The following GON4L variants were observed in gnomAD, a reference collection of about 807,000 sequenced individuals.
The protein encoded by GON4L is GON-4-like protein.
GON4L carries 87 observed loss-of-function variants against 211.8 expected under a neutral mutation model. The observed-to-expected ratio is 0.41, with a 90% CI of 0.35 to 0.49. The LOEUF (loss-of-function observed/expected upper bound fraction) is 0.49, where lower values mean the gene tolerates loss of function less well. Among genes scored for constraint, GON4L ranks in the 20% least tolerant of loss-of-function variants. GON4L has a pLI of 0.15. For synonymous variants in GON4L, 875 were observed against 962.6 expected (o/e 0.91, Z 1.68); for missense variants, 2,155 against 2,659.5 (o/e 0.81, Z 4.17).
Position 155,750,389 on chromosome 1 carries a change from A to G in GON4L, c.*195T>C. 3.2e-6 allele frequency: 2 copies of G among 629,408 alleles called. No individual in the cohort carries two copies. 39.0% of individuals were successfully genotyped at this position (629,408 alleles called of 1,614,324 possible). ...GAGGACATCTGTAAAGTCTTCATAA[A>G]AGACCTTGAATGATGCCTAGGATGG... On this transcript the variant is annotated 3_prime_UTR_variant, in exon 32 of 32. Coordinates refer to ENST00000368331, the MANE Select transcript of GON4L (RefSeq NM_001282860.2).
intron 11 of GON4L, among the ~76,000 whole-genome samples, chr1:155,797,623 C>T (rs891234358): frequency 1.3e-5 from 2 of 151,090 alleles, no homozygotes; most frequent in Non-Finnish European, 2.9e-5. Context: ...GTGGGAAGAT[C>T]ACTTGAGGTC....
intron 13 of GON4L, chr1:155,784,472 G>A (rs1445743265): frequency 2.0e-5 from 4 of 198,334 alleles, no homozygotes; most frequent in East Asian, 1.5e-4. Context: ...TGCAACCTCC[G>A]CCTCCCAGGT....
At chr1:155,858,366 C>A (rs1672437557), upstream of GON4L, among the ~76,000 whole-genome samples, 1 of 152,202 alleles carries the variant, frequency 6.6e-6, no homozygotes. Context: ...CTAATCCTAT[C>A]TGTAAACAGA....
At chr1:155,857,993 T>C (rs12095373), upstream of GON4L, among the ~76,000 whole-genome samples, 4,153 of 152,284 alleles carry the variant, frequency 0.027, 198 homozygotes, top group African/African-American at 0.092. Flanking sequence ...TTATATCATA[T>C]TCCAGTTTGC....
chr1:155,782,721 G>A (rs1364346803), intron 14 of GON4L, among the ~76,000 whole-genome samples: 1 of 151,948 alleles, frequency 6.6e-6, no homozygotes, highest in East Asian at 1.9e-4. Flanking sequence ...CAAGCAGGCT[G>A]TCATCTCAGC....
chr1:155,850,276 CT>C (rs1212130236), intron 2 of GON4L, among the ~76,000 whole-genome samples: 5 of 152,118 alleles, frequency 3.3e-5, no homozygotes, highest in South Asian at 4.1e-4. Context: ...GCTATTTACC[CT>C]TTTTTATTCT....
At chr1:155,756,627 C>A in intron 27 of GON4L, 1 of 248,984 alleles carries the variant, frequency 4.0e-6, no homozygotes, top group Non-Finnish European at 7.9e-6. Flanking sequence ...ACTTGGCATA[C>A]CTTATCATGA....
chr1:155,848,074 A>T lies in GON4L; in HGVS notation c.505+5202T>A, dbSNP rs557979191. The stretch of plus-strand genomic sequence containing the variant: ...TGAATAACCTGCCCTTATTTAGTAT[A>T]TAATCAAGGAATAGCTATCTATTCA... On this transcript the variant is annotated intron_variant, in intron 2 of 31. Coordinates refer to ENST00000368331, the MANE Select transcript of GON4L (RefSeq NM_001282860.2). Among the ~76,000 whole-genome samples the T allele has an allele frequency of 2.9e-4, 44 of 150,974 alleles. No homozygotes were observed. In the East Asian group the frequency reaches 3.7e-3, roughly 13 times the overall value.
downstream of GON4L, chr1:155,746,812 A>G (rs1207644889): frequency 6.3e-7 from 1 of 1,581,566 alleles, no homozygotes; most frequent in Middle Eastern, 1.7e-4. Flanking sequence ...GAAGCTCACC[A>G]CACACAAAGA....
intron 1 of GON4L, 29 bp from the exon 2 acceptor site, chr1:155,853,835 T>G: frequency 7.5e-7 from 1 of 1,330,266 alleles, no homozygotes; most frequent in Non-Finnish European, 1.1e-6. Context: ...CTTACTGCCT[T>G]CATATTAATT....
In GON4L at chr1:155,822,357, G is replaced by C. The variant is rs763400614; in HGVS notation, c.817C>G (p.Leu273Val). ...LAYDLKLDDM[L>V]DRTLEDGAKQ... ...GCACCATCCTCCAAGGTACGGTCAA[G>C]CATGTCATCCAGTTTCAGGTCATAT... Residue 273 changes from leucine (L) to valine (V), a missense_variant, in exon 4 of 32, where the codon CTT (leucine) becomes GTT (valine). Leu to Val is a conservative substitution (Grantham distance 32). Coordinates refer to ENST00000368331, the MANE Select transcript of GON4L (RefSeq NM_001282860.2). 1 of 1,614,056 alleles carries C rather than the reference G, an allele frequency of 6.2e-7. No individual in the cohort carries two copies. Among genetic ancestry groups the C allele is most frequent in the Non-Finnish European group, 8.5e-7 (1 of 1,179,910 alleles).
chr1:155,763,536 G>A lies in GON4L; in HGVS notation c.4502C>T (p.Ala1501Val). The change falls in exon 22 of 32, where the codon GCA becomes GTA. Residue 1501 changes from alanine to valine, a missense_variant. This residue lies in a region of GON4L where 35 missense variants were observed against 73.9 expected (regional missense o/e 0.47). Transcript: ENST00000368331. The part of the protein sequence containing the change: ...QETMEKLTWL[A>V]SERRMSQEGE... Reference sequence around the variant, plus strand: ...CTCCTGACTCATGCGCCTTTCAGATGCCAGCCAAGTCAGTTTCTCCATTGT... The same window carrying A: ...CTCCTGACTCATGCGCCTTTCAGATACCAGCCAAGTCAGTTTCTCCATTGT... The A allele has an allele frequency of 6.5e-7, 1 of 1,547,946 alleles. No homozygotes were observed. Among genetic ancestry groups the A allele is most frequent in the Non-Finnish European group, 8.7e-7 (1 of 1,146,530 alleles).
At position 155,853,768 on chromosome 1, in the gene GON4L, T is replaced by G. The variant is rs780942707; in HGVS notation, c.13A>C (p.Lys5Gln). 6.2e-7 allele frequency: 1 copy of G among 1,613,632 alleles called. No homozygotes were observed. Among genetic ancestry groups the G allele is most frequent in the South Asian group, 1.1e-5 (1 of 91,044 alleles). ...TCTGTCACTGTAGTTCTTCTCTTCT[T>G]ACAGGGCAACATTTTAAAAGTCCCA... Reference protein sequence around the residue: MLPCKKRRTTVTESL... With the variant: MLPCQKRRTTVTESL... Residue 5 changes from lysine to glutamine, a missense_variant, in exon 2 of 32, where the codon AAG (lysine) becomes CAG (glutamine). Lys to Gln is a moderately conservative substitution (Grantham distance 53). This residue lies in a region of GON4L where 313 missense variants were observed against 293.2 expected (regional missense o/e 1.07). Transcript: ENST00000368331.
In GON4L at chr1:155,814,316, T is replaced by C. The variant is rs1355927157; in HGVS notation, c.1281+14A>G. 3 of 1,609,738 alleles carry C rather than the reference T, an allele frequency of 1.9e-6. No individual in the cohort carries two copies. The African/African-American group carries it at 4.0e-5, about 22-fold the overall frequency. Reference sequence around the variant, plus strand: ...AGTTATGTCTAACATCTCTTTTGTATGATGCCGATTTACCTCTGATAATAT... The same window carrying C: ...AGTTATGTCTAACATCTCTTTTGTACGATGCCGATTTACCTCTGATAATAT... On this transcript the variant is annotated intron_variant, in intron 9 of 31. Coordinates refer to ENST00000368331, the MANE Select transcript of GON4L (RefSeq NM_001282860.2).
chr1:155,819,137 T>A (rs961978866), intron 6 of GON4L, among the ~76,000 whole-genome samples: 3 of 148,500 alleles, frequency 2.0e-5, no homozygotes, highest in Non-Finnish European at 4.5e-5. Flanking sequence ...ATAAAAATTT[T>A]AAAAAATACA....
intron 6 of GON4L, among the ~76,000 whole-genome samples, chr1:155,819,323 G>A (rs961686221): frequency 6.6e-6 from 1 of 151,190 alleles, no homozygotes; most frequent in Non-Finnish European, 1.5e-5. Flanking sequence ...GGGAGAAATT[G>A]GGGGATGTAT....
At chr1:155,755,382 T>C (rs550906924) in intron 27 of GON4L, among the ~76,000 whole-genome samples, 2 of 152,228 alleles carry the variant, frequency 1.3e-5, no homozygotes, top group South Asian at 4.1e-4. Context: ...GGCTAATTTT[T>C]GTATTTTTAG....
chr1:155,835,146 T>A (rs1487376496), intron 2 of GON4L, among the ~76,000 whole-genome samples: 5 of 152,160 alleles, frequency 3.3e-5, no homozygotes, highest in African/African-American at 9.7e-5. Context: ...AAAATTCTTA[T>A]CCTGTTGATC....
At chr1:155,846,685 G>A (rs1185404029) in intron 2 of GON4L, 1 of 151,972 alleles carries the variant, frequency 6.6e-6, no homozygotes, top group Admixed American at 6.6e-5. Context: ...GCGTGCTACT[G>A]GGGGGTTCTT....
Sources: gnomAD v4.1 joint callset for allele counts (sites outside exome capture counted in the v4.1 genomes callset) on GRCh38, gnomAD v4.1.1 for gene constraint, gnomAD v4.1.1 regional missense constraint, MANE v1.5 for transcripts, NCBI Gene and HGNC (gene_info 2026-07-23, HGNC 2026-07-21) for gene names.